Variants in ZNF804B observed in about 807,000 individuals in gnomAD.
ZNF804B encodes the protein zinc finger 804B.
ZNF804B carries 80 observed loss-of-function variants against 101.4 expected under a neutral mutation model. The observed-to-expected ratio is 0.79, with a 90% confidence interval of 0.66 to 0.95. ZNF804B has a LOEUF of 0.95. ZNF804B is among the 40% of genes least tolerant of loss of function. ZNF804B has a pLI of 0.00. For synonymous variants in ZNF804B, 622 were observed against 558.8 expected, an observed-to-expected ratio of 1.11 and a Z score of -1.59; for missense variants, 1,673 against 1,561.9, an observed-to-expected ratio of 1.07 and a Z score of -1.20.
chr7:88,769,305 A>T (rs907504249), intron 1 of ZNF804B, among the ~76,000 whole-genome samples: 1 of 152,202 alleles, frequency 6.6e-6, no homozygotes. Context: ...TTTAGAATGC[A>T]GACTATTCTA....
chr7:89,138,834 A>T (rs1274909506), intron 1 of ZNF804B, among the ~76,000 whole-genome samples: 1 of 152,070 alleles, frequency 6.6e-6, no homozygotes, highest in Non-Finnish European at 1.5e-5. Context: ...GCTGCCATTC[A>T]TGTGAGACAT....
intron 1 of ZNF804B, among the ~76,000 whole-genome samples, chr7:89,119,791 A>G (rs1024622280): frequency 3.9e-5 from 6 of 152,222 alleles, no homozygotes; most frequent in Admixed American, 3.9e-4. Flanking sequence ...TAATCCTGGC[A>G]TGGAAAGTTA....
chr7:89,199,165 G>A (rs774717091), intron 1 of ZNF804B, among the ~76,000 whole-genome samples: 9 of 151,762 alleles, frequency 5.9e-5, no homozygotes, highest in Admixed American at 1.3e-4. Flanking sequence ...TCTCTTCCTT[G>A]TGGGAAGAAA....
intron 1 of ZNF804B, among the ~76,000 whole-genome samples, chr7:89,156,041 T>C (rs1462839159): frequency 2.2e-4 from 19 of 87,220 alleles, no homozygotes; most frequent in Non-Finnish European, 3.7e-4. Flanking sequence ...TCTTTCTTTC[T>C]TTCTTTCTTT....
intron 2 of ZNF804B, among the ~76,000 whole-genome samples, chr7:89,230,323 G>GAA (rs1434648221): frequency 6.7e-6 from 1 of 148,852 alleles, no homozygotes; most frequent in South Asian, 2.2e-4. Context: ...GAGAGAGAGA[G>GAA]AGAATGAGCG....
At chr7:88,929,598 A>AG (rs1792852980) in intron 1 of ZNF804B, among the ~76,000 whole-genome samples, 2 of 151,820 alleles carry the variant, frequency 1.3e-5, no homozygotes, top group African/African-American at 2.4e-5. Flanking sequence ...GGAATCTGTC[A>AG]CTTTCTCTGT....
chr7:88,843,871 A>G (rs928714143), intron 1 of ZNF804B, among the ~76,000 whole-genome samples: 1 of 152,294 alleles, frequency 6.6e-6, no homozygotes, highest in East Asian at 1.9e-4. Context: ...AAAGATCCCT[A>G]TTGATGCCGT....
At chr7:89,257,077 C>A (rs1789641967) in intron 2 of ZNF804B, among the ~76,000 whole-genome samples, 1 of 152,128 alleles carries the variant, frequency 6.6e-6, no homozygotes, top group African/African-American at 2.4e-5. Context: ...TGTTACTACC[C>A]TGTAAAATGG....
At chr7:88,870,020 C>T (rs1791794206) in intron 1 of ZNF804B, among the ~76,000 whole-genome samples, 1 of 152,172 alleles carries the variant, frequency 6.6e-6, no homozygotes, top group Non-Finnish European at 1.5e-5. Flanking sequence ...GAAGGACAGG[C>T]TCTGGGATGG....
At chr7:89,220,539 T>C (rs2109756) in intron 2 of ZNF804B, among the ~76,000 whole-genome samples, 108,450 of 151,740 alleles carry the variant, frequency 0.71, 39,469 homozygotes, top group African/African-American at 0.78. Flanking sequence ...TATACCATCA[T>C]CGCTCACCAC....
chr7:88,895,345 G>A (rs1234190611), intron 1 of ZNF804B, among the ~76,000 whole-genome samples: 1 of 152,206 alleles, frequency 6.6e-6, no homozygotes, highest in African/African-American at 2.4e-5. Flanking sequence ...AAGGAGGAAG[G>A]CTAGAATAAA....
chr7:89,055,560 T>C (rs1280285302), intron 1 of ZNF804B, among the ~76,000 whole-genome samples: 1 of 152,056 alleles, frequency 6.6e-6, no homozygotes, highest in Non-Finnish European at 1.5e-5. Flanking sequence ...CAAGGTTGGA[T>C]CTTACCAGTT....
At chr7:88,955,078 C>T (rs1288796614) in intron 1 of ZNF804B, among the ~76,000 whole-genome samples, 9 of 145,364 alleles carry the variant, frequency 6.2e-5, no homozygotes, top group African/African-American at 2.3e-4. Context: ...TGGGCAATAT[C>T]GTGAGCCCTT....
At chr7:88,862,007 C>T (rs1365468160) in intron 1 of ZNF804B, among the ~76,000 whole-genome samples, 3 of 152,140 alleles carry the variant, frequency 2.0e-5, no homozygotes, top group Non-Finnish European at 4.4e-5. Context: ...TTCAACATCT[C>T]CCATCTGCCA....
At chr7:89,071,505 T>C (rs1199448278) in intron 1 of ZNF804B, among the ~76,000 whole-genome samples, 3 of 152,206 alleles carry the variant, frequency 2.0e-5, no homozygotes, top group African/African-American at 7.2e-5. Flanking sequence ...ATAAAAAATA[T>C]AAATGAAACT....
In ZNF804B at chr7:89,218,178, A is replaced by T; in HGVS notation, c.132A>T (p.Thr44=). The T allele has an allele frequency of 6.2e-7, 1 of 1,613,388 alleles. No individual in the cohort carries two copies. ...PSPDFAEKKS[T]AKALEDVKAN... ...AGGATTTTGCAGAAAAGAAGTCCAC[A>T]GCAAAGGCCCTGGAAGATGTAAAGG... is the stretch of plus-strand genomic sequence containing the variant. The change falls in exon 2 of 4, where the codon ACA becomes ACT. Residue 44 remains threonine (T), a synonymous_variant. Transcript: ENST00000333190.
At chr7:89,260,223 G>T (rs1584088901) in intron 2 of ZNF804B, among the ~76,000 whole-genome samples, 1 of 152,116 alleles carries the variant, frequency 6.6e-6, no homozygotes, top group Non-Finnish European at 1.5e-5. Context: ...AGCTTTATAG[G>T]TAAGGGCAGT....
intron 2 of ZNF804B, among the ~76,000 whole-genome samples, chr7:89,223,489 C>T (rs533299469): frequency 3.3e-5 from 5 of 151,568 alleles, no homozygotes; most frequent in South Asian, 4.2e-4. Context: ...TAATTCTAGA[C>T]GAGTAAGTCA....
intron 2 of ZNF804B, among the ~76,000 whole-genome samples, chr7:89,219,987 G>A (rs561253640): frequency 5.6e-5 from 8 of 142,506 alleles, no homozygotes; most frequent in African/African-American, 2.2e-4. Context: ...ATACATATGT[G>A]TGCATATATG....
Sources: gnomAD v4.1 joint callset for allele counts (sites outside exome capture counted in the v4.1 genomes callset) on GRCh38, gnomAD v4.1.1 for gene constraint, MANE v1.5 for transcripts, NCBI Gene and HGNC (gene_info 2026-07-23, HGNC 2026-07-21) for gene names.